Variants in TENM2 observed in about 807,000 individuals in gnomAD.
TENM2 encodes teneurin-2.
A neutral mutation model predicts 245.2 loss-of-function variants in TENM2; 52 were observed. That is an observed-to-expected ratio of 0.21 (90% CI 0.17 to 0.27). The LOEUF (loss-of-function observed/expected upper bound fraction) is 0.27, where lower values mean the gene tolerates loss of function less well. TENM2 is among the 10% of genes least tolerant of loss of function. The pLI, the probability that TENM2 is intolerant of heterozygous loss-of-function variation, is 1.00. For missense variants in TENM2, 3,046 were observed against 3,666.8 expected, an observed-to-expected ratio of 0.83 and a Z score of 4.37; for synonymous variants, 1,363 against 1,438.9, an observed-to-expected ratio of 0.95 and a Z score of 1.19.
At chr5:168,014,138 G>A (rs1368903224) in intron 5 of TENM2, among the ~76,000 whole-genome samples, 1 of 152,072 alleles carries the variant, frequency 6.6e-6, no homozygotes, top group Non-Finnish European at 1.5e-5. Context: ...GTGAAGGAGG[G>A]GGGCAATTCA....
chr5:167,756,541 A>C (rs1285622615), intron 2 of TENM2, among the ~76,000 whole-genome samples: 1 of 152,160 alleles, frequency 6.6e-6, no homozygotes. Context: ...ATCTGAGTAG[A>C]AGAGATATGA....
intron 2 of TENM2, among the ~76,000 whole-genome samples, chr5:167,601,556 C>T (rs1776638426): frequency 6.6e-6 from 1 of 152,166 alleles, no homozygotes; most frequent in African/African-American, 2.4e-5. Flanking sequence ...CAAGAAGATC[C>T]ATGAGAGAGT....
the TENM2 span, among the ~76,000 whole-genome samples, chr5:167,008,449 T>G: frequency 2.2e-4 from 33 of 152,304 alleles, no homozygotes; most frequent in African/African-American, 7.9e-4. Context: ...AGATTACCAG[T>G]CTTTCAATTT....
intron 3 of TENM2, among the ~76,000 whole-genome samples, chr5:167,909,277 G>A (rs1776361739): frequency 6.6e-6 from 1 of 152,032 alleles, no homozygotes; most frequent in African/African-American, 2.4e-5. Context: ...TGGACCAAAT[G>A]TGTGGTCCTT....
the TENM2 span, among the ~76,000 whole-genome samples, chr5:166,982,081 A>T: frequency 6.6e-6 from 1 of 152,158 alleles, no homozygotes; most frequent in Admixed American, 6.5e-5. Flanking sequence ...TATCATCTTG[A>T]TAGCCTTGCT....
At chr5:167,806,664 G>T (rs1220162169) in intron 2 of TENM2, among the ~76,000 whole-genome samples, 1 of 152,020 alleles carries the variant, frequency 6.6e-6, no homozygotes. Flanking sequence ...GACATCAACT[G>T]CGAAGTTTTG....
intron 2 of TENM2, among the ~76,000 whole-genome samples, chr5:167,754,362 C>A (rs890664735): frequency 3.9e-5 from 6 of 152,324 alleles, no homozygotes; most frequent in Admixed American, 3.9e-4. Context: ...CCCCATTTCA[C>A]ATACAGGTGC....
intron 2 of TENM2, among the ~76,000 whole-genome samples, chr5:167,536,825 C>A (rs1771882061): frequency 2.6e-5 from 4 of 152,130 alleles, no homozygotes; most frequent in Non-Finnish European, 1.5e-5. Flanking sequence ...TGAGACCAGC[C>A]TGGCCAACAT....
chr5:167,881,218 G>T (rs1773850150), intron 3 of TENM2, among the ~76,000 whole-genome samples: 1 of 152,030 alleles, frequency 6.6e-6, no homozygotes, highest in Non-Finnish European at 1.5e-5. Context: ...TTTAATTTAG[G>T]ATTCCCTGAA....
chr5:168,159,672 A>G (rs1757566050), intron 12 of TENM2, among the ~76,000 whole-genome samples: 1 of 152,160 alleles, frequency 6.6e-6, no homozygotes, highest in Non-Finnish European at 1.5e-5. Context: ...TTCCTCTTCA[A>G]GCTAAAAGCA....
chr5:167,904,237 T>C (rs114107156), intron 3 of TENM2, among the ~76,000 whole-genome samples: 1,962 of 152,268 alleles, frequency 0.013, 45 homozygotes, highest in African/African-American at 0.044. Context: ...TTAGCTGAAG[T>C]ACACTGTGTG....
At chr5:168,036,921 T>A (rs903351055) in intron 5 of TENM2, among the ~76,000 whole-genome samples, 4 of 151,842 alleles carry the variant, frequency 2.6e-5, no homozygotes, top group Admixed American at 2.6e-4. Flanking sequence ...CACCCCAGAT[T>A]AGCTCTTTCC....
intron 5 of TENM2, among the ~76,000 whole-genome samples, chr5:168,026,164 A>G (rs972261455): frequency 6.6e-6 from 1 of 152,216 alleles, no homozygotes; most frequent in Non-Finnish European, 1.5e-5. Flanking sequence ...CAGCAGCTCC[A>G]GCCACAAGAA....
exon 14 of TENM2, chr5:168,190,534 C>G (rs745686658): frequency 1.9e-6 from 3 of 1,613,820 alleles, no homozygotes; most frequent in South Asian, 1.1e-5. Flanking sequence ...TGGAGAGAAC[C>G]CTTTCAACAG....
At chr5:167,632,419 G>C (rs1241409774) in intron 2 of TENM2, among the ~76,000 whole-genome samples, 1 of 152,140 alleles carries the variant, frequency 6.6e-6, no homozygotes, top group African/African-American at 2.4e-5. Context: ...ATGCCAAAGT[G>C]ACACTGGAAA....
chr5:168,157,119 C>T (rs1757255399), intron 12 of TENM2, among the ~76,000 whole-genome samples: 1 of 152,066 alleles, frequency 6.6e-6, no homozygotes, highest in Non-Finnish European at 1.5e-5. Context: ...GATAAAGATG[C>T]CATGACTGGT....
In TENM2 at chr5:168,226,283, A is replaced by G. The variant is rs756301681; in HGVS notation, c.5284+20A>G. 1.2e-6 allele frequency: 2 copies of G among 1,606,626 alleles called. No homozygotes were observed. Among genetic ancestry groups the G allele is most frequent in the South Asian group, 1.1e-5 (1 of 90,168 alleles). On this transcript the variant is annotated intron_variant, in intron 24 of 28. Transcript: ENST00000518659. ...TACAAGGTGAGCCTCCACCCATACCATCCTACCCCCAAACTCACCCATAGA... is the reference window on the plus strand; with the variant it reads ...TACAAGGTGAGCCTCCACCCATACCGTCCTACCCCCAAACTCACCCATAGA...
At chr5:167,334,433 A>G (rs1458013471) in intron 1 of TENM2, among the ~76,000 whole-genome samples, 1 of 152,240 alleles carries the variant, frequency 6.6e-6, no homozygotes, top group Non-Finnish European at 1.5e-5. Context: ...ACTTAATGGC[A>G]TAAAATTATT....
chr5:167,125,037 G>C, the TENM2 span, among the ~76,000 whole-genome samples: 1 of 152,284 alleles, frequency 6.6e-6, no homozygotes, highest in East Asian at 1.9e-4. Flanking sequence ...CAGTATCAAT[G>C]ATAGCATCGC....
Sources: gnomAD v4.1 joint callset for allele counts (sites outside exome capture counted in the v4.1 genomes callset) on GRCh38, gnomAD v4.1.1 for gene constraint, MANE v1.5 for transcripts, NCBI Gene and HGNC (gene_info 2026-07-23, HGNC 2026-07-21) for gene names.